AEBP2: variants seen among roughly 807,000 people sequenced by gnomAD.
AEBP2 encodes the protein zinc finger protein AEBP2.
A neutral mutation model predicts 50.8 loss-of-function variants in AEBP2; 10 were observed. The ratio of observed to expected loss-of-function variants is 0.20; its 90% confidence interval spans 0.12 to 0.33. The LOEUF is 0.33. Among genes scored for constraint, AEBP2 ranks in the 10% least tolerant of loss-of-function variants. The pLI is 1.00. For synonymous variants in AEBP2, 296 were observed against 261.3 expected, an observed-to-expected ratio of 1.13 and a Z score of -1.28; for missense variants, 570 against 688.0, an observed-to-expected ratio of 0.83 and a Z score of 1.92.
intron 3 of AEBP2, among the ~76,000 whole-genome samples, chr12:19,477,549 A>C (rs1027003721): frequency 7.9e-5 from 12 of 152,164 alleles, no homozygotes; most frequent in African/African-American, 2.7e-4. Context: ...TATTGAGATC[A>C]CATGATTTTC....
In AEBP2 at chr12:19,406,990, A is replaced by G. The variant is rs142715326; in HGVS notation, c.-17+2774A>G. The stretch of plus-strand genomic sequence containing the variant: ...TGTATTACCTTTGCTCCTCTGTCAA[A>G]GAAATTTTTTACGTTTAAAAAAATG... On this transcript the variant is annotated intron_variant, in intron 1 of 3. Transcript: ENST00000538425. Among the ~76,000 whole-genome samples the G allele has an allele frequency of 2.8e-3, 430 of 152,330 alleles. 2 individuals carry two copies. The highest frequency in any genetic ancestry group is 3.4e-3 in the Non-Finnish European group (233 of 68,034).
At chr12:19,456,995 G>A (rs10770486) in intron 1 of AEBP2, 1,292,975 of 1,574,864 alleles carry the variant, frequency 0.82, 532,213 homozygotes, top group African/African-American at 0.92. Flanking sequence ...GAGGATTTTC[G>A]TCCCTTGAAC....
chr12:19,407,379 C>CCT (rs943612911), intron 1 of AEBP2, among the ~76,000 whole-genome samples: 59 of 152,158 alleles, frequency 3.9e-4, no homozygotes, highest in African/African-American at 1.1e-3. Flanking sequence ...CTCACTGCAA[C>CCT]CTCCACCTCC....
intron 1 of AEBP2, chr12:19,456,638 G>A: frequency 6.5e-7 from 1 of 1,528,280 alleles, no homozygotes; most frequent in Non-Finnish European, 9.1e-7. Flanking sequence ...CCATTGGTGG[G>A]TCATCTTTGC....
intron 5 of AEBP2, 50 bp downstream of exon 5, chr12:19,500,271 AT>A (rs1343766850): frequency 6.7e-6 from 9 of 1,347,490 alleles, no homozygotes; most frequent in East Asian, 2.8e-5. Context: ...TTGCAAAAAA[AT>A]ATTTCCACAA....
chr12:19,474,138 C>T (rs932343006), intron 3 of AEBP2, among the ~76,000 whole-genome samples: 21 of 152,164 alleles, frequency 1.4e-4, no homozygotes, highest in Admixed American at 1.4e-3. Context: ...TTGTAAATCA[C>T]TTTTGTCAAA....
intron 1 of AEBP2, among the ~76,000 whole-genome samples, chr12:19,446,318 A>T (rs961867840): frequency 1.3e-5 from 2 of 152,146 alleles, no homozygotes; most frequent in Non-Finnish European, 2.9e-5. Flanking sequence ...GGTGCATTCA[A>T]ATTAGAACTG....
chr12:19,500,311 A>G, intron 5 of AEBP2, 90 bp downstream of exon 5: 1 of 1,221,714 alleles, frequency 8.2e-7, no homozygotes, highest in Non-Finnish European at 1.1e-6. Flanking sequence ...AAATCTAAGA[A>G]AGTACAATTT....
At chr12:19,426,042 C>T (rs1039506032) in intron 1 of AEBP2, among the ~76,000 whole-genome samples, 7 of 152,028 alleles carry the variant, frequency 4.6e-5, no homozygotes, top group African/African-American at 1.7e-4. Flanking sequence ...CTCAAGCGAT[C>T]CTCCCACCTC....
chr12:19,468,418 C>G (rs940889700), intron 2 of AEBP2, among the ~76,000 whole-genome samples: 7 of 152,134 alleles, frequency 4.6e-5, no homozygotes, highest in Non-Finnish European at 8.8e-5. Flanking sequence ...TTAACTTGCT[C>G]TGCATTTAGA....
chr12:19,415,337 AAAAAAAAAAAAAAATATATATATATATAT>A (rs2153363736), intron 1 of AEBP2, among the ~76,000 whole-genome samples: 1 of 49,612 alleles, frequency 2.0e-5, no homozygotes, highest in African/African-American at 8.1e-5. Flanking sequence ...AAAAAAAAAA[AAAAAAAAAAAAAAATATATATATATATAT>A]ATATATATAT....
intron 3 of AEBP2, among the ~76,000 whole-genome samples, chr12:19,477,982 C>G (rs1217180973): frequency 1.3e-5 from 2 of 152,178 alleles, no homozygotes; most frequent in East Asian, 3.9e-4. Context: ...TAAAGGTGTT[C>G]ATAGTAGCCT....
At chr12:19,414,645 C>T (rs141391686) in intron 1 of AEBP2, among the ~76,000 whole-genome samples, 1 of 152,262 alleles carries the variant, frequency 6.6e-6, no homozygotes, top group African/African-American at 2.4e-5. Context: ...CCAGCTTTAT[C>T]TGAACAATGA....
intron 1 of AEBP2, among the ~76,000 whole-genome samples, chr12:19,446,467 C>A (rs144921431): frequency 6.6e-6 from 1 of 152,080 alleles, no homozygotes; most frequent in African/African-American, 2.4e-5. Flanking sequence ...CGGTAGCTCA[C>A]GCCTGTAATC....
intron 2 of AEBP2, among the ~76,000 whole-genome samples, chr12:19,472,039 C>T (rs1948581357): frequency 6.6e-6 from 1 of 152,130 alleles, no homozygotes. Flanking sequence ...AGTAACTTCT[C>T]TAAACAGTCT....
chr12:19,436,765 C>G (rs1209247302), upstream of AEBP2, among the ~76,000 whole-genome samples: 1 of 151,058 alleles, frequency 6.6e-6, no homozygotes, highest in South Asian at 2.1e-4. Flanking sequence ...TAGTTAACAA[C>G]AAAAAAAAGT....
intron 1 of AEBP2, among the ~76,000 whole-genome samples, chr12:19,459,265 T>C (rs1028394136): frequency 6.6e-6 from 1 of 152,130 alleles, no homozygotes; most frequent in Non-Finnish European, 1.5e-5. Flanking sequence ...AGAGTCTCGC[T>C]CTGTTGCCCA....
Position 19,515,237 on chromosome 12 carries a change from C to G in AEBP2, c.1481+453C>G, listed in dbSNP as rs1390143909. On this transcript the variant is annotated intron_variant, in intron 7 of 7. Coordinates refer to ENST00000266508, the MANE Select transcript of AEBP2 (RefSeq NM_153207.5). Reference sequence around the variant, plus strand: ...TTTTTAAGACATAGCTTAGAGTGTTCACATTTCTAGTAATTTTATGTTTTG... The same window carrying G: ...TTTTTAAGACATAGCTTAGAGTGTTGACATTTCTAGTAATTTTATGTTTTG... 3.3e-5 allele frequency among the ~76,000 whole-genome samples: 5 copies of G among 152,152 alleles called. No homozygotes were observed. In the East Asian group the frequency reaches 9.7e-4, roughly 29 times the overall value.
intron 5 of AEBP2, among the ~76,000 whole-genome samples, chr12:19,504,687 G>A (rs765750622): frequency 1.3e-5 from 2 of 152,124 alleles, no homozygotes; most frequent in African/African-American, 2.4e-5. Flanking sequence ...TGGCAGGAGA[G>A]CCTGGTTAGG....
Sources: allele counts gnomAD v4.1 joint callset (sites outside exome capture counted in the v4.1 genomes callset), GRCh38; gene constraint gnomAD v4.1.1; transcripts MANE v1.5; gene names NCBI Gene and HGNC (gene_info 2026-07-23, HGNC 2026-07-21).